Variants in RADIL observed in about 807,000 individuals in gnomAD.
RADIL encodes the protein ras-associating and dilute domain-containing protein.
Under a neutral mutation model 97.6 loss-of-function variants are expected in RADIL, and 99 were observed. The ratio of observed to expected loss-of-function variants is 1.01; its 90% CI spans 0.86 to 1.20. The LOEUF is 1.20. Among genes scored for constraint, RADIL ranks in the 50% most tolerant of loss-of-function variants. RADIL has a pLI of 0.00. For missense variants in RADIL, 1,765 were observed against 1,498.9 expected (o/e 1.18, Z -2.93); for synonymous variants, 803 against 691.8 (o/e 1.16, Z -2.52).
intron 2 of RADIL, among the ~76,000 whole-genome samples, chr7:4,848,945 C>T (rs1226367077): frequency 6.6e-6 from 1 of 152,036 alleles, no homozygotes; most frequent in Non-Finnish European, 1.5e-5. Context: ...TTGAGACTAG[C>T]CTGACCAACA....
intron 2 of RADIL, among the ~76,000 whole-genome samples, chr7:4,846,649 G>A (rs1418777045): frequency 1.3e-5 from 2 of 150,858 alleles, no homozygotes; most frequent in African/African-American, 2.4e-5. Context: ...AGGTTCAAGC[G>A]ATTCTCCTGC....
At chr7:4,803,830 G>T in intron 10 of RADIL, 76 bp from the exon 11 acceptor site, 3 of 1,356,208 alleles carry the variant, frequency 2.2e-6, no homozygotes, top group Non-Finnish European at 2.1e-6. Flanking sequence ...GCCCAACGGT[G>T]TGGGAACCCA....
At position 4,877,984 on chromosome 7, in the gene RADIL, G is replaced by GGGGTCATCGCTGGCGCCCA. The variant is rs897314757; in HGVS notation, c.137_155dup (p.Ala53GlyfsTer5). 10 of 1,611,968 alleles carry GGGGTCATCGCTGGCGCCCA rather than the reference G, an allele frequency of 6.2e-6. No individual in the cohort carries two copies. Among genetic ancestry groups the GGGGTCATCGCTGGCGCCCA allele is most frequent in the Non-Finnish European group, 8.5e-6 (10 of 1,179,902 alleles). ...CCGACAGCTGGGTGGAGAGCTCGGC[G>GGGGTCATCGCTGGCGCCCA]GGGTCATCGCTGGCGCCCAGGCTGG... On this transcript the variant is annotated stop_gained and frameshift_variant, in exon 2 of 15. Transcript: ENST00000399583. LOFTEE classifies it high-confidence loss of function.
chr7:4,878,190 G>T lies in RADIL; in HGVS notation c.-51C>A. 4 of 1,466,088 alleles carry T rather than the reference G, an allele frequency of 2.7e-6. No homozygotes were observed. The highest frequency in any genetic ancestry group is 1.4e-5 in the South Asian group (1 of 73,240). The allele number at this position is 1,466,088 out of a possible 1,614,324, so 90.8% of individuals were successfully genotyped here. A position where few individuals can be genotyped will look rare whatever the true frequency, so the allele number is the denominator to read the frequency against. Reference sequence around the variant, plus strand: ...ACTGTGGGCTTCAGCCAAAGGATGTGGGGAGGCCGTGACCTGGGTGAAAAA... The same window carrying T: ...ACTGTGGGCTTCAGCCAAAGGATGTTGGGAGGCCGTGACCTGGGTGAAAAA... On this transcript the variant is annotated 5_prime_UTR_variant, in exon 2 of 15. Transcript: ENST00000399583. This position sits in a 1 kb window ranked among gnomAD's most constrained non-coding sequence, Gnocchi z 4.1.
chr7:4,869,027 T>TG (rs766593613), intron 2 of RADIL, among the ~76,000 whole-genome samples: 10 of 152,204 alleles, frequency 6.6e-5, no homozygotes, highest in Non-Finnish European at 1.5e-4. Flanking sequence ...TTCAGGAGGC[T>TG]GAGGCAGGAG....
chr7:4,879,914 G>T lies in RADIL; in HGVS notation c.-64-1711C>A, dbSNP rs1784450281. 6.6e-6 allele frequency among the ~76,000 whole-genome samples: 1 copy of T among 152,148 alleles called. No homozygotes were observed. Among genetic ancestry groups the T allele is most frequent in the South Asian group, 2.1e-4 (1 of 4,826 alleles). ...ATCAGACCACCACTCGCTTCCTCCA[G>T]AACCAGCCCAGGTCAGCCAGCAGCT... On this transcript the variant is annotated intron_variant, in intron 1 of 14. Transcript: ENST00000399583. The surrounding 1 kb of genome is among the most constrained non-coding windows in gnomAD (Gnocchi z 4.1).
At chr7:4,808,485 G>T in intron 9 of RADIL, 1 of 749,812 alleles carries the variant, frequency 1.3e-6, no homozygotes, top group Non-Finnish European at 1.6e-6. Flanking sequence ...ATTTTTATAG[G>T]GCCCCCAAGC....
At position 4,800,302 on chromosome 7, in the gene RADIL, CAG is replaced by C. The variant is rs1420296615; in HGVS notation, c.2849_2850del (p.Ser950CysfsTer157). 12 of 1,471,864 alleles carry C rather than the reference CAG, an allele frequency of 8.2e-6. No homozygotes were observed. The highest frequency in any genetic ancestry group is 1.4e-5 in the South Asian group (1 of 70,428). 91.2% of individuals were successfully genotyped at this position (1,471,864 alleles called of 1,614,324 possible). On this transcript the variant is annotated frameshift_variant, in exon 13 of 15. Transcript: ENST00000399583. LOFTEE classifies it high-confidence loss of function. ...GGAGGGGACTCCTCCGCAAGGGCTG[CAG>C]AGTCTCCTGGGTGGGGGCCAGGAAA... ...GLRGAAPEGD[S>X]AALAEESPPA...
rs949058004 is a variant in RADIL, at chr7:4,867,618, T to A, written c.535+9987A>T. Among the ~76,000 whole-genome samples, 5 of 150,026 alleles carry A rather than the reference T, an allele frequency of 3.3e-5. No individual in the cohort carries two copies. The highest frequency in any genetic ancestry group is 5.9e-5 in the Non-Finnish European group (4 of 68,010). ...AACATAGTGAGGCCCTGTCTCTATT[T>A]TTAAAATAAATAAGTAAATAAATAA... is the stretch of plus-strand genomic sequence containing the variant. On this transcript the variant is annotated intron_variant, in intron 2 of 14. Coordinates refer to ENST00000399583, the MANE Select transcript of RADIL (RefSeq NM_018059.5). The surrounding 1 kb of genome is among the most constrained non-coding windows in gnomAD (Gnocchi z 4.1).
chr7:4,861,764 G>A (rs1164646145), intron 2 of RADIL: 26 of 1,487,480 alleles, frequency 1.7e-5, no homozygotes, highest in Non-Finnish European at 2.1e-5. Context: ...ATTCGGCGGC[G>A]GCGCCGGCTG....
At chr7:4,807,988 TGTCTCTCTCCC>T (rs1782392440) in intron 9 of RADIL, among the ~76,000 whole-genome samples, 1 of 44,158 alleles carries the variant, frequency 2.3e-5, no homozygotes, top group Non-Finnish European at 4.1e-5. Context: ...CCTCTCTCCC[TGTCTCTCTCCC>T]CTCCCTCCTC....
At chr7:4,809,213 G>C (rs1645661669) in intron 9 of RADIL, 1 of 985,290 alleles carries the variant, frequency 1.0e-6, no homozygotes, top group African/African-American at 1.7e-5. Flanking sequence ...GCCGACTCGG[G>C]CCTGCCCATC....
At chr7:4,871,369 C>T (rs1195212569) in intron 2 of RADIL, among the ~76,000 whole-genome samples, 3 of 152,234 alleles carry the variant, frequency 2.0e-5, no homozygotes, top group Admixed American at 1.3e-4. Context: ...CACGGCACCC[C>T]GTCGGCAGAG....
In RADIL at chr7:4,809,045, G is replaced by GC. The variant is rs544204546; in HGVS notation, c.2140-3330dup. The GC allele has an allele frequency of 2.6e-4, 223 of 867,640 alleles. 1 individual carries two copies. The highest frequency in any genetic ancestry group is 4.7e-4 in the East Asian group (3 of 6,448). The allele number at this position is 867,640 out of a possible 1,614,324, so 53.7% of individuals were successfully genotyped here. On this transcript the variant is annotated intron_variant, in intron 9 of 14. Transcript: ENST00000399583. ...CCCCTTGTCCCCTTCCGACGCCACT[G>GC]CCCCCCCGTTCCAATGCCACTGCCC...
chr7:4,822,664 C>T lies in RADIL; in HGVS notation c.1455-110G>A. 1.6e-6 allele frequency: 2 copies of T among 1,254,792 alleles called. No individual in the cohort carries two copies. The highest frequency in any genetic ancestry group is 2.4e-5 in the East Asian group (1 of 41,994). The allele number at this position is 1,254,792 out of a possible 1,614,324, so 77.7% of individuals were successfully genotyped here. ...CGTTTTCATGGGACGCTGACAACAA[C>T]TGCAACCATCAACCTGACACTGCTG... On this transcript the variant is annotated intron_variant, in intron 5 of 14. Coordinates refer to ENST00000399583, the MANE Select transcript of RADIL (RefSeq NM_018059.5). This position sits in a 1 kb window ranked among gnomAD's most constrained non-coding sequence, Gnocchi z 5.3.
chr7:4,799,838 C>A, intron 13 of RADIL, 69 bp from the exon 14 acceptor site: 1 of 1,437,696 alleles, frequency 7.0e-7, no homozygotes, highest in Non-Finnish European at 9.1e-7. Flanking sequence ...ACCACTGCAG[C>A]CCCTCCCTTG....
rs1194730368 is a variant in RADIL, at chr7:4,879,843, T to C, written c.-64-1640A>G. 1.3e-5 allele frequency among the ~76,000 whole-genome samples: 2 copies of C among 152,178 alleles called. No homozygotes were observed. The highest frequency in any genetic ancestry group is 4.8e-5 in the African/African-American group (2 of 41,440). ...TCACCGGGGCGTGGGTCATCTTCTC[T>C]GGAGCCTCTCACTGCCCGCCAGAGC... is the stretch of plus-strand genomic sequence containing the variant. On this transcript the variant is annotated intron_variant, in intron 1 of 14. Coordinates refer to ENST00000399583, the MANE Select transcript of RADIL (RefSeq NM_018059.5). The surrounding 1 kb of genome is among the most constrained non-coding windows in gnomAD (Gnocchi z 4.1).
chr7:4,800,612 T>G (rs1029639425), intron 12 of RADIL, among the ~76,000 whole-genome samples: 20 of 152,056 alleles, frequency 1.3e-4, no homozygotes, highest in African/African-American at 4.8e-4. Context: ...CGCGGTTCTG[T>G]GCCACCTCCT....
At chr7:4,801,199 C>T (rs986900669) in intron 12 of RADIL, among the ~76,000 whole-genome samples, 6 of 152,170 alleles carry the variant, frequency 3.9e-5, no homozygotes, top group Admixed American at 1.3e-4. Context: ...CACCCATGCA[C>T]ACACGCACCA....
Sources: allele counts gnomAD v4.1 joint callset (sites outside exome capture counted in the v4.1 genomes callset), GRCh38; gene constraint gnomAD v4.1.1; non-coding constraint Gnocchi (gnomAD v3.1); transcripts MANE v1.5; gene names NCBI Gene and HGNC (gene_info 2026-07-23, HGNC 2026-07-21).